Variants in OTUD3 observed in about 807,000 individuals in gnomAD.
OTUD3 encodes the protein OTU deubiquitinase 3, also known as OTU domain-containing protein 3.
A neutral mutation model predicts 46.2 loss-of-function variants in OTUD3; 24 were observed. The ratio of observed to expected loss-of-function variants is 0.52; its 90% CI spans 0.38 to 0.73. The LOEUF is 0.73. OTUD3 is among the 30% of genes least tolerant of loss of function. The pLI is 0.00. For missense variants in OTUD3, 455 were observed against 523.3 expected (o/e 0.87, Z 1.27); for synonymous variants, 189 against 195.4 (o/e 0.97, Z 0.27).
At chr1:19,907,448 A>G in intron 7 of OTUD3, 122 bp from the exon 8 acceptor site, 1 of 794,396 alleles carries the variant, frequency 1.3e-6, no homozygotes, top group Non-Finnish European at 2.0e-6. Context: ...TTGGCGTCTT[A>G]GATTGGTTTT....
chr1:19,901,878 T>G (rs548346405), intron 4 of OTUD3, among the ~76,000 whole-genome samples: 22 of 152,348 alleles, frequency 1.4e-4, no homozygotes, highest in Non-Finnish European at 2.9e-4. Flanking sequence ...AATATTCCAT[T>G]GTTTGGAGAG....
Position 19,900,904 on chromosome 1 carries a change from GT to G in OTUD3, c.606+3253del, listed in dbSNP as rs1313225968. 1.9e-3 allele frequency among the ~76,000 whole-genome samples: 244 copies of G among 129,960 alleles called. 1 individual carries two copies. The highest frequency in any genetic ancestry group is 6.1e-3 in the African/African-American group (214 of 34,956). The allele number at this position is 129,960 out of a possible 152,430, so 85.3% of individuals were successfully genotyped here. ...CTAGTTCAAAGGAAATCCTATTGAGGTTTTTTTTTTTGTTTTTTTTTTTTTT... is the reference window on the plus strand; with the variant it reads ...CTAGTTCAAAGGAAATCCTATTGAGGTTTTTTTTTTGTTTTTTTTTTTTTT... On this transcript the variant is annotated intron_variant, in intron 4 of 7. Coordinates refer to ENST00000375120, the MANE Select transcript of OTUD3 (RefSeq NM_015207.2).
At chr1:19,883,999 T>G (rs2045319363) in intron 1 of OTUD3, among the ~76,000 whole-genome samples, 1 of 152,196 alleles carries the variant, frequency 6.6e-6, no homozygotes, top group Non-Finnish European at 1.5e-5. Flanking sequence ...AGTTGGAACT[T>G]GATTACATTT....
Position 19,890,391 on chromosome 1 carries a change from C to G in OTUD3, c.228C>G (p.Cys76Trp). ...CGTGTTGTTGTTTTGACAGCAATTG[C>G]TTGTTCAGAGCTCTTGGTGATCAAT... ...KLREVPGDGNCLFRALGDQLE... is the reference protein window; with the variant it reads ...KLREVPGDGNWLFRALGDQLE... Residue 76 changes from cysteine to tryptophan, a missense_variant, in exon 2 of 8, where the codon TGC (cysteine) becomes TGG (tryptophan). Transcript: ENST00000375120. The G allele has an allele frequency of 6.2e-7, 1 of 1,613,722 alleles. No homozygotes were observed. Among genetic ancestry groups the G allele is most frequent in the Non-Finnish European group, 8.5e-7 (1 of 1,179,744 alleles).
chr1:19,893,600 C>G (rs758388592), intron 2 of OTUD3, among the ~76,000 whole-genome samples: 2 of 152,182 alleles, frequency 1.3e-5, no homozygotes, highest in Non-Finnish European at 2.9e-5. Context: ...TCCCCTCTCA[C>G]CCTATCACCA....
intron 3 of OTUD3, among the ~76,000 whole-genome samples, chr1:19,894,958 GA>G (rs1159009369): frequency 1.3e-5 from 2 of 152,028 alleles, no homozygotes; most frequent in Non-Finnish European, 2.9e-5. Context: ...CTCGTAAAGA[GA>G]AAAAAATTTT....
At chr1:19,899,853 T>C (rs2100297327) in intron 4 of OTUD3, among the ~76,000 whole-genome samples, 1 of 152,370 alleles carries the variant, frequency 6.6e-6, no homozygotes, top group South Asian at 2.1e-4. Context: ...CATCTTTTCC[T>C]GTGTTTAAGA....
In OTUD3 at chr1:19,907,835, GC is replaced by G. The variant is rs2100328919; in HGVS notation, c.*90del. ...CAGTGAGGCCGTCCTTTTATAAAAC[GC>G]AACACAACCAACGAAGCCCACACAT... On this transcript the variant is annotated 3_prime_UTR_variant, in exon 8 of 8. Transcript: ENST00000375120. The G allele has an allele frequency of 1.6e-6, 2 of 1,261,878 alleles. No homozygotes were observed. Among genetic ancestry groups the G allele is most frequent in the South Asian group, 2.9e-5 (2 of 69,092 alleles). The allele number at this position is 1,261,878 out of a possible 1,614,324, so 78.2% of individuals were successfully genotyped here. A position where few individuals can be genotyped will look rare whatever the true frequency, so the allele number is the denominator to read the frequency against.
rs1036920064 is a variant in OTUD3 at position 19,909,363 on chromosome 1, T to C, written c.*1617T>C. ...GGACATTGTGGTTTAGGTTTCTTCC[T>C]GGGTACAGTACATTGTAAAATTTAG... On this transcript the variant is annotated 3_prime_UTR_variant, in exon 8 of 8. Coordinates refer to ENST00000375120, the MANE Select transcript of OTUD3 (RefSeq NM_015207.2). The C allele has an allele frequency of 6.6e-6, 1 of 152,352 alleles. No individual in the cohort carries two copies. Among genetic ancestry groups the C allele is most frequent in the Non-Finnish European group, 1.5e-5 (1 of 68,044 alleles). 9.4% of individuals were successfully genotyped at this position (152,352 alleles called of 1,614,324 possible). A position where few individuals can be genotyped will look rare whatever the true frequency, so the allele number is the denominator to read the frequency against.
At chr1:19,905,985 T>C (rs2045655923) in intron 6 of OTUD3, among the ~76,000 whole-genome samples, 1 of 152,250 alleles carries the variant, frequency 6.6e-6, no homozygotes, top group East Asian at 1.9e-4. Flanking sequence ...CAGTATAGTG[T>C]GTACCTGCCA....
intron 1 of OTUD3, among the ~76,000 whole-genome samples, chr1:19,886,270 G>T (rs2045358554): frequency 6.6e-6 from 1 of 152,136 alleles, no homozygotes; most frequent in African/African-American, 2.4e-5. Context: ...ACTAAATGTA[G>T]TTCTGAGTTA....
At chr1:19,901,375 G>A (rs190125911) in intron 4 of OTUD3, among the ~76,000 whole-genome samples, 215 of 152,164 alleles carry the variant, frequency 1.4e-3, no homozygotes, top group African/African-American at 5.0e-3. Flanking sequence ...TTTATTCTTA[G>A]GAGGTGTTTT....
chr1:19,905,698 A>G (rs2100320671), intron 6 of OTUD3, among the ~76,000 whole-genome samples: 1 of 152,292 alleles, frequency 6.6e-6, no homozygotes, highest in African/African-American at 2.4e-5. Context: ...CTAAGATCGC[A>G]CCATTGCACT....
intron 3 of OTUD3, among the ~76,000 whole-genome samples, chr1:19,895,778 G>A (rs1246550813): frequency 6.6e-6 from 1 of 152,102 alleles, no homozygotes; most frequent in African/African-American, 2.4e-5. Context: ...TTACCCCTTT[G>A]TTCTATTTTT....
Position 19,912,177 on chromosome 1 carries a change from C to A in OTUD3, c.*4431C>A, listed in dbSNP as rs1035659336. 6.6e-6 allele frequency: 1 copy of A among 152,370 alleles called. No individual in the cohort carries two copies. Among genetic ancestry groups the A allele is most frequent in the African/African-American group, 2.4e-5 (1 of 41,462 alleles). The allele number at this position is 152,370 out of a possible 1,614,324, so 9.4% of individuals were successfully genotyped here. Reference sequence around the variant, plus strand: ...TGCTGCTGCTCACTGCCAGTCCTTGCGGCTGGCGGCGATTGCCGGACAGAC... The same window carrying A: ...TGCTGCTGCTCACTGCCAGTCCTTGAGGCTGGCGGCGATTGCCGGACAGAC... On this transcript the variant is annotated 3_prime_UTR_variant, in exon 8 of 8. Transcript: ENST00000375120.
intron 4 of OTUD3, among the ~76,000 whole-genome samples, chr1:19,903,873 C>T (rs988926468): frequency 1.3e-5 from 2 of 152,160 alleles, no homozygotes; most frequent in African/African-American, 4.8e-5. Flanking sequence ...TTCTTCAAGA[C>T]CAGCACCGTT....
At chr1:19,893,835 C>T (rs906695845) in intron 2 of OTUD3, among the ~76,000 whole-genome samples, 10 of 152,216 alleles carry the variant, frequency 6.6e-5, no homozygotes, top group African/African-American at 2.4e-4. Context: ...TTGTGAACTC[C>T]GCGAGGGCAA....
intron 5 of OTUD3, 60 bp downstream of exon 5, chr1:19,904,458 T>C: frequency 2.0e-6 from 3 of 1,512,876 alleles, no homozygotes; most frequent in Non-Finnish European, 1.8e-6. Flanking sequence ...CCTAGCTTAC[T>C]TCTTAGTTTC....
intron 2 of OTUD3, among the ~76,000 whole-genome samples, chr1:19,891,346 A>G (rs1241785105): frequency 6.6e-6 from 1 of 152,226 alleles, no homozygotes; most frequent in African/African-American, 2.4e-5. Flanking sequence ...TACAAATGGC[A>G]TTTTCATCAC....
Sources: gnomAD v4.1 joint callset for allele counts (sites outside exome capture counted in the v4.1 genomes callset) on GRCh38, gnomAD v4.1.1 for gene constraint, MANE v1.5 for transcripts, NCBI Gene and HGNC (gene_info 2026-07-23, HGNC 2026-07-21) for gene names.